Variants in ARHGAP42 observed in about 807,000 individuals in gnomAD.
ARHGAP42 encodes rho GTPase-activating protein 42.
Under a neutral mutation model 125.0 loss-of-function variants are expected in ARHGAP42, and 63 were observed. The observed-to-expected ratio is 0.50, with a 90% CI of 0.41 to 0.62. The LOEUF (loss-of-function observed/expected upper bound fraction) is 0.62, where lower values mean the gene tolerates loss of function less well. Among genes scored for constraint, ARHGAP42 ranks in the 20% least tolerant of loss-of-function variants. The pLI is 0.00. For synonymous variants in ARHGAP42, 339 were observed against 351.0 expected (o/e 0.97, Z 0.38); for missense variants, 766 against 1,024.2 (o/e 0.75, Z 3.44).
chr11:100,888,856 T>C (rs2135188491), intron 4 of ARHGAP42, among the ~76,000 whole-genome samples: 1 of 152,276 alleles, frequency 6.6e-6, no homozygotes, highest in Middle Eastern at 3.4e-3. Context: ...TGTCATATTG[T>C]GTTAGAATCT....
At chr11:100,943,463 G>A (rs1028040836) in intron 9 of ARHGAP42, among the ~76,000 whole-genome samples, 13 of 152,048 alleles carry the variant, frequency 8.5e-5, no homozygotes, top group Non-Finnish European at 1.5e-4. Flanking sequence ...TCTAAGAATT[G>A]AGGGATTGTA....
chr11:100,807,988 A>G (rs1005048755), intron 3 of ARHGAP42, among the ~76,000 whole-genome samples: 3 of 152,220 alleles, frequency 2.0e-5, no homozygotes, highest in African/African-American at 7.2e-5. Context: ...ATAATATAAA[A>G]GGTAAATGTA....
At chr11:100,876,009 C>A (rs1865817305) in intron 4 of ARHGAP42, among the ~76,000 whole-genome samples, 1 of 149,516 alleles carries the variant, frequency 6.7e-6, no homozygotes, top group African/African-American at 2.4e-5. Flanking sequence ...AAATGCTTAA[C>A]TCTTTGATTC....
At chr11:100,931,655 T>A (rs77315014) in intron 6 of ARHGAP42, among the ~76,000 whole-genome samples, 7,013 of 152,262 alleles carry the variant, frequency 0.046, 312 homozygotes, top group East Asian at 0.25. Context: ...GAAACAATAC[T>A]TCCTTAGCAA....
intron 4 of ARHGAP42, among the ~76,000 whole-genome samples, chr11:100,900,216 A>C (rs1174947016): frequency 2.0e-5 from 3 of 152,164 alleles, no homozygotes; most frequent in Non-Finnish European, 4.4e-5. Flanking sequence ...CTTTTCTTTA[A>C]GAATGTTGAG....
intron 1 of ARHGAP42, among the ~76,000 whole-genome samples, chr11:100,736,155 A>G (rs1181867039): frequency 1.3e-5 from 2 of 152,176 alleles, no homozygotes; most frequent in African/African-American, 4.8e-5. Context: ...AAGGTTGTTT[A>G]GGTGGTTTTA....
At chr11:100,711,437 C>T (rs899128687) in intron 1 of ARHGAP42, among the ~76,000 whole-genome samples, 1 of 152,208 alleles carries the variant, frequency 6.6e-6, no homozygotes. Context: ...TCACTGCAGC[C>T]TTGCCCTCCT....
chr11:100,785,910 C>T (rs1352609912), intron 2 of ARHGAP42, among the ~76,000 whole-genome samples: 6 of 152,112 alleles, frequency 3.9e-5, no homozygotes, highest in East Asian at 1.9e-4. Context: ...TGGGAGAGAA[C>T]AGACTTTGGA....
intron 4 of ARHGAP42, among the ~76,000 whole-genome samples, chr11:100,867,200 AG>A (rs1865589474): frequency 6.6e-6 from 1 of 152,248 alleles, no homozygotes; most frequent in South Asian, 2.1e-4. Flanking sequence ...TAAAGTCACC[AG>A]CTGCATTAGC....
In ARHGAP42 at chr11:100,704,335, C is replaced by G. The variant is rs112195528; in HGVS notation, c.154+16503C>G. Among the ~76,000 whole-genome samples the G allele has an allele frequency of 6.0e-3, 906 of 152,262 alleles. 2 individuals carry two copies. The highest frequency in any genetic ancestry group is 9.7e-3 in the Non-Finnish European group (663 of 68,028). ...AATTAGGGAACAAGGGACAGGAAGT[C>G]TTAGCTTTTGGGACAGCTTAGAAAG... On this transcript the variant is annotated intron_variant, in intron 1 of 23. Transcript: ENST00000298815.
rs192611659 is a variant in ARHGAP42, at chr11:100,949,063, G to A, written c.1122+528G>A. 2.0e-3 allele frequency among the ~76,000 whole-genome samples: 304 copies of A among 152,164 alleles called. 1 individual carries two copies. Among genetic ancestry groups the A allele is most frequent in the Middle Eastern group, 0.014 (4 of 294 alleles). On this transcript the variant is annotated intron_variant, in intron 11 of 23. Coordinates refer to ENST00000298815, the MANE Select transcript of ARHGAP42 (RefSeq NM_152432.4). ...ACTTACAAAAAATAGGAAGGCTTAC[G>A]TAAAAAGGAGGCTGAATCATTCATC...
chr11:100,798,602 A>C (rs542511050), intron 3 of ARHGAP42, among the ~76,000 whole-genome samples: 56 of 152,386 alleles, frequency 3.7e-4, no homozygotes, highest in African/African-American at 1.2e-3. Flanking sequence ...TATTACATAA[A>C]TATAACTTAT....
chr11:100,703,249 A>G (rs1283758356), intron 1 of ARHGAP42, among the ~76,000 whole-genome samples: 1 of 152,194 alleles, frequency 6.6e-6, no homozygotes, highest in Non-Finnish European at 1.5e-5. Context: ...CATTGCCACT[A>G]ACCAGTATTA....
intron 3 of ARHGAP42, among the ~76,000 whole-genome samples, chr11:100,822,260 G>A (rs1171631632): frequency 1.3e-5 from 2 of 151,978 alleles, no homozygotes; most frequent in Non-Finnish European, 2.9e-5. Flanking sequence ...ATTTTAGAGT[G>A]TATCTTTAGA....
chr11:100,690,941 A>G (rs1034265875), intron 1 of ARHGAP42, among the ~76,000 whole-genome samples: 3 of 152,184 alleles, frequency 2.0e-5, no homozygotes, highest in Admixed American at 1.3e-4. Flanking sequence ...CACTTGGAGA[A>G]AAAGGATAAT....
chr11:100,749,108 G>C (rs1862377861), intron 1 of ARHGAP42, among the ~76,000 whole-genome samples: 2 of 152,054 alleles, frequency 1.3e-5, no homozygotes, highest in Non-Finnish European at 2.9e-5. Flanking sequence ...AGGGACCGGT[G>C]GGAGTGGAGC....
At chr11:100,704,793 G>A (rs769259403) in intron 1 of ARHGAP42, among the ~76,000 whole-genome samples, 7 of 148,936 alleles carry the variant, frequency 4.7e-5, no homozygotes, top group Non-Finnish European at 8.9e-5. Context: ...CCCCGCCCCC[G>A]CCGCCCACTC....
At chr11:100,912,195 TAGA>T (rs774413056) in intron 4 of ARHGAP42, among the ~76,000 whole-genome samples, 15 of 152,184 alleles carry the variant, frequency 9.9e-5, no homozygotes, top group Non-Finnish European at 1.9e-4. Flanking sequence ...TCCCTTAAGC[TAGA>T]AGATTTTCCT....
intron 2 of ARHGAP42, among the ~76,000 whole-genome samples, chr11:100,770,902 T>C (rs988460539): frequency 2.0e-5 from 3 of 152,182 alleles, no homozygotes; most frequent in African/African-American, 2.4e-5. Context: ...ATAAATTGTT[T>C]TTAAATCGAA....
Sources: allele counts gnomAD v4.1 joint callset (sites outside exome capture counted in the v4.1 genomes callset), GRCh38; gene constraint gnomAD v4.1.1; transcripts MANE v1.5; gene names NCBI Gene and HGNC (gene_info 2026-07-23, HGNC 2026-07-21).